The following CRPPA variants were observed in gnomAD, a reference collection of about 807,000 sequenced individuals.
The protein encoded by CRPPA is CDP-L-ribitol pyrophosphorylase A.
Under a neutral mutation model 52.0 loss-of-function variants are expected in CRPPA, and 43 were observed. The ratio of observed to expected loss-of-function variants is 0.83; its 90% CI spans 0.65 to 1.07. The LOEUF is 1.07. CRPPA is among the 50% of genes least tolerant of loss of function. The probability of loss-of-function intolerance (pLI) is 0.00; values close to 1 mark genes in which losing one functional copy is unlikely to be tolerated. For missense variants in CRPPA, 629 were observed against 551.7 expected (o/e 1.14, Z -1.40); for synonymous variants, 250 against 203.5 (o/e 1.23, Z -1.94).
chr7:16,338,947 C>G (rs1785755421), intron 3 of CRPPA, among the ~76,000 whole-genome samples: 1 of 151,764 alleles, frequency 6.6e-6, no homozygotes, highest in Non-Finnish European at 1.5e-5. Context: ...TCCCGAGTAG[C>G]TGGGACTACA....
chr7:16,287,254 AT>A (rs1784470822), intron 5 of CRPPA, among the ~76,000 whole-genome samples: 1 of 152,094 alleles, frequency 6.6e-6, no homozygotes, highest in Admixed American at 6.5e-5. Flanking sequence ...ATCCTGAAAG[AT>A]TTTTTTCCTC....
intron 4 of CRPPA, 68 bp downstream of exon 4, chr7:16,308,455 T>A: frequency 1.2e-6 from 1 of 852,538 alleles, no homozygotes; most frequent in Non-Finnish European, 2.0e-6. Flanking sequence ...CTACTGGTTT[T>A]AAATGTACAC....
intron 8 of CRPPA, among the ~76,000 whole-genome samples, chr7:16,255,672 G>A (rs918530755): frequency 4.6e-5 from 7 of 152,052 alleles, no homozygotes; most frequent in Admixed American, 6.6e-5. Context: ...TCACAAACCC[G>A]ACAAAAACAA....
chr7:16,237,547 G>C (rs957354495), intron 8 of CRPPA: 3 of 152,072 alleles, frequency 2.0e-5, no homozygotes, highest in South Asian at 2.1e-4. Context: ...TATAAATTTT[G>C]AGGGGACACA....
At chr7:16,145,626 T>A (rs1430067969) in intron 9 of CRPPA, among the ~76,000 whole-genome samples, 2 of 118,084 alleles carry the variant, frequency 1.7e-5, no homozygotes, top group Admixed American at 1.1e-4. Flanking sequence ...GTTTAACTTA[T>A]AAATAAAAAC....
chr7:16,293,593 C>A (rs1784607003), intron 5 of CRPPA, among the ~76,000 whole-genome samples: 2 of 151,874 alleles, frequency 1.3e-5, no homozygotes, highest in Admixed American at 6.6e-5. Flanking sequence ...AAAGGAAGGA[C>A]AACCAACAAG....
intron 9 of CRPPA, among the ~76,000 whole-genome samples, chr7:16,166,934 T>C (rs1484946146): frequency 7.2e-6 from 1 of 138,388 alleles, no homozygotes; most frequent in African/African-American, 3.2e-5. Context: ...AACCTACTTT[T>C]TTTTTTTTTT....
chr7:16,263,781 T>C (rs764904155), intron 6 of CRPPA, among the ~76,000 whole-genome samples: 4 of 151,774 alleles, frequency 2.6e-5, no homozygotes, highest in African/African-American at 4.8e-5. Flanking sequence ...ATGTACAATA[T>C]AGATATATGG....
intron 3 of CRPPA, among the ~76,000 whole-genome samples, chr7:16,339,371 T>C (rs975479195): frequency 6.6e-6 from 1 of 152,058 alleles, no homozygotes; most frequent in Non-Finnish European, 1.5e-5. Flanking sequence ...CTATCTCAGG[T>C]GTTTAAGGCT....
chr7:16,105,635 C>T (rs1345900468), intron 9 of CRPPA, among the ~76,000 whole-genome samples: 5 of 152,198 alleles, frequency 3.3e-5, no homozygotes, highest in East Asian at 3.9e-4. Flanking sequence ...TATCCAATTG[C>T]AGATATCAGT....
chr7:16,387,086 T>TATATACAC (rs1214967656), intron 2 of CRPPA, among the ~76,000 whole-genome samples: 3 of 55,808 alleles, frequency 5.4e-5, no homozygotes, highest in Non-Finnish European at 9.9e-5. Flanking sequence ...TATATATATA[T>TATATACAC]ACACACATAT....
intron 6 of CRPPA, chr7:16,270,334 A>G (rs2128415841): frequency 6.6e-6 from 1 of 152,324 alleles, no homozygotes; most frequent in South Asian, 2.1e-4. Context: ...AAGAATATAA[A>G]TAATTAAAAA....
intron 6 of CRPPA, among the ~76,000 whole-genome samples, chr7:16,267,007 A>C (rs540687071): frequency 6.6e-6 from 1 of 152,242 alleles, no homozygotes; most frequent in Non-Finnish European, 1.5e-5. Flanking sequence ...AGATATAAAC[A>C]GTAATATGAT....
At position 16,163,326 on chromosome 7, in the gene CRPPA, G is replaced by A. The variant is rs376828964; in HGVS notation, c.1251+52740C>T. ...TTAAAGTCTGTTTTATCAGAGACCA[G>A]GATTGCAACCCCTGCTTTTTTTTTT... On this transcript the variant is annotated intron_variant, in intron 9 of 9. Transcript: ENST00000407010. Among the ~76,000 whole-genome samples, 15 of 151,808 alleles carry A rather than the reference G, an allele frequency of 9.9e-5. No individual in the cohort carries two copies. The South Asian group carries it at 1.5e-3, about 15-fold the overall frequency.
At chr7:16,315,392 C>T (rs192367357) in intron 3 of CRPPA, among the ~76,000 whole-genome samples, 2 of 152,076 alleles carry the variant, frequency 1.3e-5, no homozygotes, top group African/African-American at 4.8e-5. Context: ...TCTTATACTT[C>T]GTAAATTTTC....
At position 16,311,166 on chromosome 7, in the gene CRPPA, A is replaced by G. The variant is rs181239055; in HGVS notation, c.685-2539T>C. Among the ~76,000 whole-genome samples the G allele has an allele frequency of 6.5e-3, 996 of 152,168 alleles. 13 individuals carry two copies. The highest frequency in any genetic ancestry group is 0.022 in the African/African-American group (905 of 41,522). On this transcript the variant is annotated intron_variant, in intron 3 of 9. Coordinates refer to ENST00000407010, the MANE Select transcript of CRPPA (RefSeq NM_001101426.4). ...GTGGTATGTGTATTAGCATCAATAA[A>G]CCTACATTGACACATCATTATCATT...
intron 2 of CRPPA, among the ~76,000 whole-genome samples, chr7:16,400,209 C>A (rs74476060): frequency 6.7e-5 from 10 of 149,808 alleles, no homozygotes; most frequent in Non-Finnish European, 8.9e-5. Flanking sequence ...ACATGGTTGG[C>A]ATGTGTCCAA....
At chr7:16,339,355 G>T (rs1444178135) in intron 3 of CRPPA, among the ~76,000 whole-genome samples, 1 of 151,946 alleles carries the variant, frequency 6.6e-6, no homozygotes, top group African/African-American at 2.4e-5. Flanking sequence ...CATGACCAAG[G>T]GGGATCTATC....
chr7:16,291,920 G>C (rs1349698491), intron 5 of CRPPA, among the ~76,000 whole-genome samples: 1 of 151,770 alleles, frequency 6.6e-6, no homozygotes, highest in East Asian at 1.9e-4. Context: ...ACTTCTGTTT[G>C]AGAATATAGA....
Sources: allele counts gnomAD v4.1 joint callset (sites outside exome capture counted in the v4.1 genomes callset), GRCh38; gene constraint gnomAD v4.1.1; transcripts MANE v1.5; gene names NCBI Gene and HGNC (gene_info 2026-07-23, HGNC 2026-07-21).